The following CBFA2T2 variants were observed in gnomAD, a reference collection of about 807,000 sequenced individuals.
CBFA2T2 encodes protein CBFA2T2.
A neutral mutation model predicts 62.2 loss-of-function variants in CBFA2T2; 11 were observed. That is an observed-to-expected ratio of 0.18 (90% CI 0.11 to 0.29). The LOEUF (loss-of-function observed/expected upper bound fraction) is 0.29, where lower values mean the gene tolerates loss of function less well. Among genes scored for constraint, CBFA2T2 ranks in the 10% least tolerant of loss-of-function variants. The pLI, the probability that CBFA2T2 is intolerant of heterozygous loss-of-function variation, is 1.00. For missense variants in CBFA2T2, 592 were observed against 774.1 expected (o/e 0.76, Z 2.79); for synonymous variants, 295 against 287.5 (o/e 1.03, Z -0.27).
intron 1 of CBFA2T2, among the ~76,000 whole-genome samples, chr20:33,581,721 G>T (rs974597581): frequency 1.3e-5 from 2 of 152,210 alleles, no homozygotes; most frequent in African/African-American, 4.8e-5. Flanking sequence ...TCTTGTGAGA[G>T]ATTCTATGCT....
chr20:33,586,172 TG>T (rs376215619), intron 1 of CBFA2T2, among the ~76,000 whole-genome samples: 1 of 152,340 alleles, frequency 6.6e-6, no homozygotes, highest in South Asian at 2.1e-4. Flanking sequence ...TTTTCTTGTT[TG>T]TTTTTTTGTT....
intron 1 of CBFA2T2, among the ~76,000 whole-genome samples, chr20:33,516,540 G>A (rs1034770323): frequency 1.7e-4 from 26 of 152,190 alleles, no homozygotes; most frequent in Non-Finnish European, 2.6e-4. Context: ...TCGGGAGGCC[G>A]AGGTGGGCAG....
At chr20:33,574,168 C>T in intron 1 of CBFA2T2, 7 of 1,609,398 alleles carry the variant, frequency 4.3e-6, no homozygotes, top group Non-Finnish European at 5.9e-6. Context: ...ATGTTGCATT[C>T]ATCTTTTGGA....
At chr20:33,548,727 A>T (rs1168998372) in intron 1 of CBFA2T2, among the ~76,000 whole-genome samples, 1 of 152,162 alleles carries the variant, frequency 6.6e-6, no homozygotes, top group East Asian at 1.9e-4. Flanking sequence ...TGGGAGGCCA[A>T]AATGGGGAGA....
intron 8 of CBFA2T2, among the ~76,000 whole-genome samples, chr20:33,634,232 G>C (rs910232951): frequency 2.6e-5 from 4 of 152,126 alleles, no homozygotes; most frequent in Admixed American, 6.6e-5. Flanking sequence ...CTCCCAAAGT[G>C]CTGAGATTAC....
intron 1 of CBFA2T2, among the ~76,000 whole-genome samples, chr20:33,588,096 A>G (rs950236925): frequency 6.6e-6 from 1 of 152,198 alleles, no homozygotes; most frequent in Non-Finnish European, 1.5e-5. Flanking sequence ...TATGATTGAC[A>G]TGTTAAAAAG....
chr20:33,513,340 A>G (rs1447996539), intron 1 of CBFA2T2, among the ~76,000 whole-genome samples: 1 of 151,640 alleles, frequency 6.6e-6, no homozygotes, highest in Non-Finnish European at 1.5e-5. Context: ...CATAGACCGT[A>G]ATGGGTTTTT....
intron 1 of CBFA2T2, among the ~76,000 whole-genome samples, chr20:33,530,679 C>T (rs1277185323): frequency 1.3e-5 from 2 of 152,008 alleles, no homozygotes; most frequent in Non-Finnish European, 2.9e-5. Flanking sequence ...TCCCAAAGTG[C>T]TGGGATTACA....
intron 1 of CBFA2T2, among the ~76,000 whole-genome samples, chr20:33,528,490 A>C (rs1349080460): frequency 6.6e-6 from 1 of 151,976 alleles, no homozygotes; most frequent in Non-Finnish European, 1.5e-5. Flanking sequence ...TTGGTGGGCT[A>C]TTTTTCTCTC....
At chr20:33,503,090 C>CAAAAAA in intron 1 of CBFA2T2, among the ~76,000 whole-genome samples, 1 of 52,854 alleles carries the variant, frequency 1.9e-5, no homozygotes, top group Non-Finnish European at 3.2e-5. Context: ...GACTCTGTCT[C>CAAAAAA]AAAAAAAAAA....
At chr20:33,505,959 G>A (rs918306793) in intron 1 of CBFA2T2, among the ~76,000 whole-genome samples, 6 of 151,496 alleles carry the variant, frequency 4.0e-5, no homozygotes, top group Non-Finnish European at 7.4e-5. Context: ...GACTGGTGGC[G>A]CACGCCTGTA....
intron 1 of CBFA2T2, among the ~76,000 whole-genome samples, chr20:33,576,708 C>T (rs2013842879): frequency 1.3e-5 from 2 of 152,274 alleles, no homozygotes; most frequent in African/African-American, 2.4e-5. Context: ...GCAAGGCAGA[C>T]AGCATGGCTG....
At chr20:33,524,659 C>A (rs2011835343) in intron 1 of CBFA2T2, among the ~76,000 whole-genome samples, 1 of 151,998 alleles carries the variant, frequency 6.6e-6, no homozygotes, top group Non-Finnish European at 1.5e-5. Flanking sequence ...CAGGATCAAT[C>A]TTAATAGGAG....
At chr20:33,545,700 G>A (rs866209769) in intron 1 of CBFA2T2, among the ~76,000 whole-genome samples, 2 of 152,044 alleles carry the variant, frequency 1.3e-5, no homozygotes, top group African/African-American at 4.8e-5. Context: ...GTCCCCTGTT[G>A]GCCTCCCAAA....
chr20:33,604,776 A>C (rs1057058342), intron 1 of CBFA2T2, among the ~76,000 whole-genome samples: 5 of 152,254 alleles, frequency 3.3e-5, no homozygotes, highest in Admixed American at 1.3e-4. Context: ...CACACTGTAC[A>C]CAACACATTA....
intron 8 of CBFA2T2, among the ~76,000 whole-genome samples, chr20:33,634,361 T>G (rs970084570): frequency 6.6e-6 from 1 of 152,128 alleles, no homozygotes; most frequent in Non-Finnish European, 1.5e-5. Flanking sequence ...CTGGATGTTA[T>G]GATTCTGAGA....
chr20:33,549,227 G>A (rs913991170), intron 1 of CBFA2T2, among the ~76,000 whole-genome samples: 1 of 151,968 alleles, frequency 6.6e-6, no homozygotes, highest in Non-Finnish European at 1.5e-5. Context: ...TTGGATTAAG[G>A]TGCTTGGGAA....
rs146041089 is a variant in CBFA2T2 at position 33,564,932 on chromosome 20, C to T, written c.35-42024C>T. On this transcript the variant is annotated intron_variant, in intron 1 of 10. Coordinates refer to ENST00000342704, the MANE Select transcript of CBFA2T2 (RefSeq NM_001032999.3). The stretch of plus-strand genomic sequence containing the variant: ...CCCAAGTTTTCTTTTCTTTTCTTTT[C>T]TTTTTGAGACGGAGTCTCGCTCTGT... Among the ~76,000 whole-genome samples, 849 of 151,954 alleles carry T rather than the reference C, an allele frequency of 5.6e-3. 5 individuals carry two copies. Among genetic ancestry groups the T allele is most frequent in the African/African-American group, 0.019 (793 of 41,466 alleles).
At chr20:33,525,027 G>T (rs2011846506) in intron 1 of CBFA2T2, among the ~76,000 whole-genome samples, 1 of 152,112 alleles carries the variant, frequency 6.6e-6, no homozygotes, top group Admixed American at 6.6e-5. Context: ...ATAGAGAAGA[G>T]ATTTCACCAT....
Sources: allele counts gnomAD v4.1 joint callset (sites outside exome capture counted in the v4.1 genomes callset), GRCh38; gene constraint gnomAD v4.1.1; transcripts MANE v1.5; gene names NCBI Gene and HGNC (gene_info 2026-07-23, HGNC 2026-07-21).